Variants in UNC5D observed in about 807,000 individuals in gnomAD.
UNC5D encodes the protein unc-5 netrin receptor D, also known as netrin receptor UNC5D.
UNC5D carries 39 observed loss-of-function variants against 105.4 expected under a neutral mutation model. The ratio of observed to expected loss-of-function variants is 0.37; its 90% CI spans 0.29 to 0.48. The LOEUF (loss-of-function observed/expected upper bound fraction) is 0.48, where lower values mean the gene tolerates loss of function less well. Ranked by LOEUF, UNC5D falls within the 20% of genes least tolerant of loss-of-function variation. UNC5D has a pLI of 0.98. For missense variants in UNC5D, 991 were observed against 1,202.4 expected, an observed-to-expected ratio of 0.82 and a Z score of 2.60; for synonymous variants, 452 against 450.4, an observed-to-expected ratio of 1.00 and a Z score of -0.04.
chr8:35,326,482 C>T (rs1810168081), intron 1 of UNC5D, among the ~76,000 whole-genome samples: 1 of 152,172 alleles, frequency 6.6e-6, no homozygotes, highest in Non-Finnish European at 1.5e-5. Context: ...AGGCTGGGCA[C>T]AGTGGCTCAT....
intron 1 of UNC5D, among the ~76,000 whole-genome samples, chr8:35,293,425 T>A (rs1437698727): frequency 3.9e-5 from 6 of 152,192 alleles, no homozygotes; most frequent in Admixed American, 3.9e-4. Flanking sequence ...GCTTGTCTAA[T>A]GTCAATTTGT....
At chr8:35,484,925 C>G (rs1181924221) in intron 1 of UNC5D, among the ~76,000 whole-genome samples, 2 of 152,134 alleles carry the variant, frequency 1.3e-5, no homozygotes, top group African/African-American at 4.8e-5. Flanking sequence ...AAGATTCTAA[C>G]CCAGGATTTC....
At chr8:35,694,099 C>T (rs1043900759) in intron 7 of UNC5D, among the ~76,000 whole-genome samples, 2 of 152,144 alleles carry the variant, frequency 1.3e-5, no homozygotes, top group Admixed American at 6.5e-5. Flanking sequence ...TGGAGACAAA[C>T]CCATTAGGAA....
intron 16 of UNC5D, among the ~76,000 whole-genome samples, chr8:35,788,718 A>G (rs1802870325): frequency 6.6e-6 from 1 of 152,034 alleles, no homozygotes; most frequent in Non-Finnish European, 1.5e-5. Context: ...ACACACACAC[A>G]CACGAAATAG....
chr8:35,673,487 A>T (rs1377834019), intron 4 of UNC5D, among the ~76,000 whole-genome samples: 2 of 152,212 alleles, frequency 1.3e-5, no homozygotes, highest in Non-Finnish European at 2.9e-5. Flanking sequence ...TGGTAGAAAA[A>T]ATATATATTT....
chr8:35,498,095 A>C (rs1379496268), intron 1 of UNC5D, among the ~76,000 whole-genome samples: 5 of 104,532 alleles, frequency 4.8e-5, no homozygotes, highest in African/African-American at 2.4e-4. Flanking sequence ...AAAAAAAAAA[A>C]AAAAAAAAAA....
chr8:35,731,283 C>T (rs1829177073), intron 11 of UNC5D, among the ~76,000 whole-genome samples, 187 bp downstream of exon 11: 1 of 151,450 alleles, frequency 6.6e-6, no homozygotes, highest in Admixed American at 6.6e-5. Flanking sequence ...TGCCTGTAAT[C>T]CCAGCTACTC....
intron 1 of UNC5D, among the ~76,000 whole-genome samples, chr8:35,400,950 G>A (rs1053607860): frequency 1.3e-5 from 2 of 152,096 alleles, no homozygotes; most frequent in Non-Finnish European, 1.5e-5. Context: ...AGCACTGGAT[G>A]TGTCCCCAGG....
Position 35,785,040 on chromosome 8 carries a change from A to G in UNC5D, c.2658-5319A>G, listed in dbSNP as rs533543679. Among the ~76,000 whole-genome samples the G allele has an allele frequency of 6.6e-5, 10 of 152,090 alleles. No individual in the cohort carries two copies. In the South Asian group the frequency reaches 2.1e-3, roughly 32 times the overall value. ...AATATTCAGGATTACTATTTTTGCT[A>G]ATGTTCTGGTTCCATTAAAAAAAAA... On this transcript the variant is annotated intron_variant, in intron 16 of 16. Transcript: ENST00000404895.
intron 1 of UNC5D, among the ~76,000 whole-genome samples, 170 bp from the exon 2 acceptor site, chr8:35,549,122 T>G (rs1241923473): frequency 1.3e-5 from 2 of 152,224 alleles, no homozygotes; most frequent in African/African-American, 2.4e-5. Context: ...ATCCTCCTAG[T>G]TCAGCTTCTA....
chr8:35,429,562 G>T (rs1806484959), intron 1 of UNC5D, among the ~76,000 whole-genome samples: 1 of 152,078 alleles, frequency 6.6e-6, no homozygotes, highest in South Asian at 2.1e-4. Context: ...AGCCATTAAA[G>T]ATAAAAATAT....
In UNC5D at chr8:35,608,850, A is replaced by C. The variant is rs140377934; in HGVS notation, c.570+13193A>C. Among the ~76,000 whole-genome samples the C allele has an allele frequency of 6.6e-5, 10 of 152,202 alleles. No homozygotes were observed. The East Asian group carries it at 1.5e-3, about 24-fold the overall frequency. The stretch of plus-strand genomic sequence containing the variant: ...CTTAGATTTGTTTCATATGTTTGCT[A>C]TTGTACATAGTAGTGCAATAAGTAT... On this transcript the variant is annotated intron_variant, in intron 4 of 16. Coordinates refer to ENST00000404895, the MANE Select transcript of UNC5D (RefSeq NM_080872.4).
intron 1 of UNC5D, among the ~76,000 whole-genome samples, chr8:35,257,514 G>A (rs918885869): frequency 6.6e-5 from 10 of 152,142 alleles, no homozygotes; most frequent in African/African-American, 2.4e-4. Context: ...AGAGGACTAG[G>A]TTTAAAATTG....
intron 1 of UNC5D, among the ~76,000 whole-genome samples, chr8:35,485,191 C>T (rs1352233661): frequency 6.6e-6 from 1 of 152,074 alleles, no homozygotes; most frequent in Non-Finnish European, 1.5e-5. Flanking sequence ...TAGTTGGTGG[C>T]ATAATTAAAG....
intron 2 of UNC5D, among the ~76,000 whole-genome samples, chr8:35,549,826 A>G (rs550583104): frequency 5.3e-5 from 8 of 152,228 alleles, no homozygotes; most frequent in African/African-American, 1.9e-4. Context: ...AATTCTGAAT[A>G]TTTTTGAGGA....
chr8:35,475,928 A>G (rs1810060082), intron 1 of UNC5D, among the ~76,000 whole-genome samples: 2 of 152,122 alleles, frequency 1.3e-5, no homozygotes, highest in Non-Finnish European at 2.9e-5. Flanking sequence ...ATCATTTTCA[A>G]CTAATGCTTA....
At chr8:35,506,220 G>C (rs553794248) in intron 1 of UNC5D, among the ~76,000 whole-genome samples, 42 of 152,164 alleles carry the variant, frequency 2.8e-4, no homozygotes, top group African/African-American at 9.4e-4. Flanking sequence ...CACTCATGGA[G>C]GCAAGATAGC....
At chr8:35,743,589 T>A (rs1829868237) in intron 11 of UNC5D, among the ~76,000 whole-genome samples, 1 of 146,162 alleles carries the variant, frequency 6.8e-6, no homozygotes. Context: ...GCACTCACTT[T>A]AAAAAAAAAA....
intron 4 of UNC5D, among the ~76,000 whole-genome samples, chr8:35,608,175 C>T (rs1820439636): frequency 6.6e-6 from 1 of 152,164 alleles, no homozygotes; most frequent in African/African-American, 2.4e-5. Flanking sequence ...GGCATCATAT[C>T]ACTTTTTTAT....
Sources: allele counts gnomAD v4.1 joint callset (sites outside exome capture counted in the v4.1 genomes callset), GRCh38; gene constraint gnomAD v4.1.1; transcripts MANE v1.5; gene names NCBI Gene and HGNC (gene_info 2026-07-23, HGNC 2026-07-21).